The following SNRPC variants were observed in gnomAD, a reference collection of about 807,000 sequenced individuals.
SNRPC encodes U1 small nuclear ribonucleoprotein C.
Under a neutral mutation model 20.0 loss-of-function variants are expected in SNRPC, and 5 were observed. That is an observed-to-expected ratio of 0.25 (90% CI 0.13 to 0.53). The LOEUF (loss-of-function observed/expected upper bound fraction) is 0.53, where lower values mean the gene tolerates loss of function less well. Among genes scored for constraint, SNRPC ranks in the 20% least tolerant of loss-of-function variants. SNRPC has a pLI of 0.96. For synonymous variants in SNRPC, 61 were observed against 58.7 expected, an observed-to-expected ratio of 1.04 and a Z score of -0.18; for missense variants, 112 against 224.1, an observed-to-expected ratio of 0.50 and a Z score of 3.19.
intron 2 of SNRPC, among the ~76,000 whole-genome samples, chr6:34,758,842 G>C (rs1764488495): frequency 6.6e-6 from 1 of 151,592 alleles, no homozygotes; most frequent in Admixed American, 6.6e-5. Context: ...GTGAAACCCC[G>C]TCTCTACTAA....
chr6:34,757,864 G>C (rs1375571187), intron 1 of SNRPC, 48 bp from the exon 2 acceptor site: 1 of 1,594,608 alleles, frequency 6.3e-7, no homozygotes, highest in African/African-American at 1.6e-5. Context: ...CCGTGGATGG[G>C]CATCTCAGTG....
At chr6:34,759,310 G>A (rs1012786017) in intron 2 of SNRPC, among the ~76,000 whole-genome samples, 2 of 152,152 alleles carry the variant, frequency 1.3e-5, no homozygotes, top group African/African-American at 4.8e-5. Flanking sequence ...GAGGCAGCTG[G>A]GCTGGATATG....
intron 2 of SNRPC, among the ~76,000 whole-genome samples, chr6:34,759,907 C>G (rs1404935812): frequency 1.3e-5 from 2 of 152,162 alleles, no homozygotes; most frequent in African/African-American, 4.8e-5. Context: ...TGAGGCCTCA[C>G]TGTGTTTCCC....
chr6:34,763,620 G>T (rs1257052223), intron 3 of SNRPC, among the ~76,000 whole-genome samples: 3 of 149,702 alleles, frequency 2.0e-5, no homozygotes, highest in Non-Finnish European at 3.0e-5. Flanking sequence ...GGTGGAGGTT[G>T]CAGTGAGCTG....
At chr6:34,763,302 C>T (rs187914620) in intron 3 of SNRPC, among the ~76,000 whole-genome samples, 2 of 152,208 alleles carry the variant, frequency 1.3e-5, no homozygotes, top group East Asian at 1.9e-4. Context: ...TTAGATCATC[C>T]TGGTATATTT....
rs1764613440 is a variant in SNRPC, at chr6:34,766,348, A to G, written c.161-1560A>G. ...CCCAAGTAGCTGGGACTACAGGTGC[A>G]CACCACCATGCTCAGCTAATCTTTA... On this transcript the variant is annotated intron_variant, in intron 3 of 5. Transcript: ENST00000244520. 2.0e-5 allele frequency among the ~76,000 whole-genome samples: 3 copies of G among 151,850 alleles called. No individual in the cohort carries two copies. The South Asian group carries it at 6.3e-4, about 32-fold the overall frequency.
chr6:34,758,808 C>T (rs900923211), intron 2 of SNRPC, among the ~76,000 whole-genome samples: 5 of 151,624 alleles, frequency 3.3e-5, no homozygotes, highest in Non-Finnish European at 5.9e-5. Flanking sequence ...GGGCGGATCA[C>T]GAGGTCAGGA....
intron 2 of SNRPC, 48 bp downstream of exon 2, chr6:34,758,002 A>T (rs766082590): frequency 1.4e-4 from 219 of 1,569,890 alleles, no homozygotes; most frequent in Non-Finnish European, 1.7e-4. Flanking sequence ...ATGTGTAATA[A>T]TTAAATGAGT....
At chr6:34,768,134 T>G (rs925904023) in intron 4 of SNRPC, 137 bp downstream of exon 4, 31 of 608,666 alleles carry the variant, frequency 5.1e-5, no homozygotes, top group Middle Eastern at 4.8e-4. Context: ...AATATATAAA[T>G]GTTGAATATA....
chr6:34,764,636 C>G (rs1351043883), intron 3 of SNRPC, among the ~76,000 whole-genome samples: 6 of 151,778 alleles, frequency 4.0e-5, no homozygotes, highest in Admixed American at 1.3e-4. Context: ...GCACTCCAAC[C>G]TGGGTGACAG....
intron 3 of SNRPC, among the ~76,000 whole-genome samples, chr6:34,767,351 C>T (rs550529371): frequency 1.3e-4 from 20 of 152,324 alleles, no homozygotes; most frequent in Middle Eastern, 3.4e-3. Flanking sequence ...CCAGGCATGG[C>T]GGCTCACGCC....
At chr6:34,767,827 T>C in intron 3 of SNRPC, 81 bp from the exon 4 acceptor site, 3 of 1,405,150 alleles carry the variant, frequency 2.1e-6, no homozygotes, top group Non-Finnish European at 2.8e-6. Context: ...GTTGAAGACT[T>C]AAAGAAAGTG....
At chr6:34,764,686 A>G (rs1764591564) in intron 3 of SNRPC, among the ~76,000 whole-genome samples, 1 of 151,816 alleles carries the variant, frequency 6.6e-6, no homozygotes, top group Admixed American at 6.6e-5. Flanking sequence ...TAATTAATAA[A>G]TAATAAAAAG....
At chr6:34,761,748 A>T (rs983621032) in intron 2 of SNRPC, among the ~76,000 whole-genome samples, 7 of 151,494 alleles carry the variant, frequency 4.6e-5, no homozygotes, top group Admixed American at 4.0e-4. Context: ...TGACCTTGTG[A>T]TCCACCCACC....
chr6:34,764,619 C>T (rs916351786), intron 3 of SNRPC, among the ~76,000 whole-genome samples: 20 of 151,748 alleles, frequency 1.3e-4, no homozygotes, highest in Non-Finnish European at 1.8e-4. Context: ...GCTAAGATTG[C>T]GCCACTGCAC....
At chr6:34,758,093 G>T in intron 2 of SNRPC, 139 bp downstream of exon 2, 1 of 922,106 alleles carries the variant, frequency 1.1e-6, no homozygotes, top group South Asian at 1.8e-5. Flanking sequence ...AATAATTGGA[G>T]GTTATTTTCC....
chr6:34,760,528 G>A (rs972072096), intron 2 of SNRPC, among the ~76,000 whole-genome samples: 12 of 152,206 alleles, frequency 7.9e-5, no homozygotes, highest in African/African-American at 2.9e-4. Flanking sequence ...AATTGTTAAT[G>A]AGGGGGCTGT....
intron 5 of SNRPC, among the ~76,000 whole-genome samples, chr6:34,771,872 A>G (rs9469863): frequency 0.45 from 67,897 of 151,926 alleles, 17,209 homozygotes; most frequent in African/African-American, 0.7. Context: ...GCATCCTTAA[A>G]CCAGGCTCAC....
chr6:34,767,448 C>G, intron 3 of SNRPC, among the ~76,000 whole-genome samples: 1 of 152,248 alleles, frequency 6.6e-6, no homozygotes, highest in East Asian at 1.9e-4. Context: ...TGGTGAAACC[C>G]GGTCTCTATA....
Sources: allele counts gnomAD v4.1 joint callset (sites outside exome capture counted in the v4.1 genomes callset), GRCh38; gene constraint gnomAD v4.1.1; transcripts MANE v1.5; gene names NCBI Gene and HGNC (gene_info 2026-07-23, HGNC 2026-07-21).